The following SDCCAG8 variants were observed in gnomAD, a reference collection of about 807,000 sequenced individuals.
The protein encoded by SDCCAG8 is SHH signaling and ciliogenesis regulator SDCCAG8.
In SDCCAG8, 74 loss-of-function variants were observed where a neutral mutation model predicts 101.8. That is an observed-to-expected ratio of 0.73 (90% CI 0.60 to 0.88). SDCCAG8 has a LOEUF of 0.88. Among genes scored for constraint, SDCCAG8 ranks in the 40% least tolerant of loss-of-function variants. SDCCAG8 has a pLI of 0.00. For synonymous variants in SDCCAG8, 281 were observed against 292.9 expected (o/e 0.96, Z 0.41); for missense variants, 787 against 822.6 (o/e 0.96, Z 0.53).
intron 8 of SDCCAG8, among the ~76,000 whole-genome samples, chr1:243,316,464 A>C (rs995918856): frequency 6.6e-6 from 1 of 152,154 alleles, no homozygotes; most frequent in Non-Finnish European, 1.5e-5. Flanking sequence ...CCCACTTTTA[A>C]AAAACTAATT....
At chr1:243,313,523 G>A (rs1320653137) in intron 8 of SDCCAG8, among the ~76,000 whole-genome samples, 1 of 152,136 alleles carries the variant, frequency 6.6e-6, no homozygotes, top group African/African-American at 2.4e-5. Flanking sequence ...TGATCTTTAC[G>A]TCATCTTTCT....
chr1:243,318,862 A>G (rs1558287397), intron 9 of SDCCAG8, among the ~76,000 whole-genome samples: 3 of 152,308 alleles, frequency 2.0e-5, no homozygotes, highest in Admixed American at 6.5e-5. Flanking sequence ...CTCAGGTCCT[A>G]TTCCTCTTTG....
chr1:243,357,321 G>A (rs1217838422), intron 12 of SDCCAG8, among the ~76,000 whole-genome samples: 1 of 151,480 alleles, frequency 6.6e-6, no homozygotes, highest in African/African-American at 2.4e-5. Context: ...GGAGGTTGCA[G>A]TGAGCTGAGA....
chr1:243,261,858 CTT>C (rs371602212), intron 1 of SDCCAG8, among the ~76,000 whole-genome samples: 87 of 136,216 alleles, frequency 6.4e-4, no homozygotes, highest in Non-Finnish European at 7.4e-4. Context: ...TTTTCTTTTT[CTT>C]TTTTTTTTTT....
intron 6 of SDCCAG8, among the ~76,000 whole-genome samples, chr1:243,296,812 C>A (rs1022129075): frequency 1.3e-5 from 2 of 151,842 alleles, no homozygotes; most frequent in African/African-American, 4.8e-5. Context: ...GGATTACAGG[C>A]GTGAGCCACC....
intron 17 of SDCCAG8, among the ~76,000 whole-genome samples, chr1:243,494,165 T>C (rs1667246667): frequency 6.6e-6 from 1 of 152,232 alleles, no homozygotes; most frequent in Non-Finnish European, 1.5e-5. Flanking sequence ...CCAAGATTTT[T>C]TGGAAAGAAT....
At chr1:243,272,252 A>G (rs1044860515) in intron 3 of SDCCAG8, among the ~76,000 whole-genome samples, 16 of 152,236 alleles carry the variant, frequency 1.1e-4, no homozygotes, top group Non-Finnish European at 1.9e-4. Flanking sequence ...TTCTAGTTCA[A>G]TACAATGCCT....
rs540020500 is a variant in SDCCAG8 at position 243,307,688 on chromosome 1, T to A, written c.741-301T>A. ...TGTTTTGTGGTTAATATAACATTAATGGAGGTTGGATCCTGGGACAAGAGA... is the reference window on the plus strand; with the variant it reads ...TGTTTTGTGGTTAATATAACATTAAAGGAGGTTGGATCCTGGGACAAGAGA... On this transcript the variant is annotated intron_variant, in intron 7 of 17. Transcript: ENST00000366541. 3.9e-6 allele frequency: 5 copies of A among 1,295,188 alleles called. No homozygotes were observed. In the East Asian group the frequency reaches 1.8e-4, roughly 46 times the overall value. The allele number at this position is 1,295,188 out of a possible 1,614,324, so 80.2% of individuals were successfully genotyped here.
intron 16 of SDCCAG8, among the ~76,000 whole-genome samples, chr1:243,478,216 G>A (rs545098614): frequency 2.0e-5 from 3 of 152,212 alleles, no homozygotes; most frequent in East Asian, 3.9e-4. Context: ...GAAGAATGTC[G>A]GGCGTTTCAA....
intron 15 of SDCCAG8, among the ~76,000 whole-genome samples, chr1:243,418,814 C>G (rs2080785747): frequency 6.6e-6 from 1 of 152,128 alleles, no homozygotes; most frequent in Non-Finnish European, 1.5e-5. Flanking sequence ...AGACATTGGA[C>G]AGAATCACTT....
chr1:243,268,137 G>T, intron 1 of SDCCAG8: 1 of 644,632 alleles, frequency 1.6e-6, no homozygotes, highest in South Asian at 1.8e-5. Flanking sequence ...CCACACTCCT[G>T]TTTCTTCCGT....
chr1:243,389,410 C>A (rs1470050518), intron 13 of SDCCAG8, among the ~76,000 whole-genome samples: 1 of 152,124 alleles, frequency 6.6e-6, no homozygotes, highest in Non-Finnish European at 1.5e-5. Flanking sequence ...CTAGCATGCA[C>A]ATGTATTGTG....
At chr1:243,303,930 G>A (rs943946083) in intron 6 of SDCCAG8, among the ~76,000 whole-genome samples, 5 of 152,060 alleles carry the variant, frequency 3.3e-5, no homozygotes, top group African/African-American at 1.2e-4. Flanking sequence ...AAAATTAGCC[G>A]GGCGTGGTGG....
In SDCCAG8 at chr1:243,286,357, A is replaced by G; in HGVS notation, c.506A>G (p.Gln169Arg). The G allele has an allele frequency of 6.2e-7, 1 of 1,614,076 alleles. No individual in the cohort carries two copies. Among genetic ancestry groups the G allele is most frequent in the Non-Finnish European group, 8.5e-7 (1 of 1,179,890 alleles). Residue 169 changes from glutamine to arginine, a missense_variant, in exon 5 of 18, where the codon CAA becomes CGA. Physicochemically the swap from Gln to Arg is conservative, Grantham distance 43 (BLOSUM62 1). Coordinates refer to ENST00000366541, the MANE Select transcript of SDCCAG8 (RefSeq NM_006642.5). ...CAGCAACAGCTAAAATCTCAAAGAC[A>G]AGAGGAGACACTGAGGGAACAAACA... ...GLQQQLKSQR[Q>R]EETLREQTLL...
intron 13 of SDCCAG8, among the ~76,000 whole-genome samples, chr1:243,397,238 G>GCCCA (rs1303636986): frequency 1.3e-5 from 2 of 152,234 alleles, no homozygotes; most frequent in Non-Finnish European, 2.9e-5. Context: ...AAACTGCACA[G>GCCCA]TGGGGTAGCT....
At chr1:243,344,017 T>C (rs1447015536) in intron 11 of SDCCAG8, among the ~76,000 whole-genome samples, 198 bp from the exon 12 acceptor site, 1 of 152,226 alleles carries the variant, frequency 6.6e-6, no homozygotes. Flanking sequence ...TAATTTCAAG[T>C]TGTTAGAATC....
At chr1:243,263,291 G>T (rs925158930) in intron 1 of SDCCAG8, among the ~76,000 whole-genome samples, 97 of 152,266 alleles carry the variant, frequency 6.4e-4, no homozygotes, top group Non-Finnish European at 1.0e-3. Context: ...AGAAGCCAGG[G>T]ATGCTATTAA....
chr1:243,386,833 A>G (rs1342752151), intron 13 of SDCCAG8, among the ~76,000 whole-genome samples: 1 of 152,142 alleles, frequency 6.6e-6, no homozygotes, highest in Non-Finnish European at 1.5e-5. Context: ...CTTATGCATG[A>G]CACGTGACGG....
chr1:243,383,619 C>G (rs1422194666), intron 13 of SDCCAG8, among the ~76,000 whole-genome samples: 1 of 152,194 alleles, frequency 6.6e-6, no homozygotes, highest in African/African-American at 2.4e-5. Flanking sequence ...TGACCTCTCA[C>G]AAAGGTTATC....
Sources: gnomAD v4.1 joint callset for allele counts (sites outside exome capture counted in the v4.1 genomes callset) on GRCh38, gnomAD v4.1.1 for gene constraint, MANE v1.5 for transcripts, NCBI Gene and HGNC (gene_info 2026-07-23, HGNC 2026-07-21) for gene names.